ACTN2: variants seen among roughly 807,000 people sequenced by gnomAD.
ACTN2 encodes actinin alpha 2, also known as alpha-actinin-2.
A neutral mutation model predicts 113.8 loss-of-function variants in ACTN2; 39 were observed. The ratio of observed to expected loss-of-function variants is 0.34; its 90% CI spans 0.27 to 0.45. The LOEUF is 0.45. Among genes scored for constraint, ACTN2 ranks in the 20% least tolerant of loss-of-function variants. The pLI is 1.00. For missense variants in ACTN2, 992 were observed against 1,177.9 expected, an observed-to-expected ratio of 0.84 and a Z score of 2.31; for synonymous variants, 429 against 444.1, an observed-to-expected ratio of 0.97 and a Z score of 0.43.
At chr1:236,755,743 T>G (rs10925215) in intron 17 of ACTN2, among the ~76,000 whole-genome samples, 9,647 of 27,736 alleles carry the variant, frequency 0.35, 1,603 homozygotes, top group Non-Finnish European at 0.47. Flanking sequence ...TACTGCAGAG[T>G]GCCCGCTGCC....
chr1:236,739,161 C>A, intron 9 of ACTN2, 141 bp from the exon 10 acceptor site: 1 of 877,712 alleles, frequency 1.1e-6, no homozygotes, highest in East Asian at 2.5e-5. Context: ...TCGTTCATGC[C>A]TCTGTGCGTA....
chr1:236,721,015 G>GGGTTTTTT, intron 4 of ACTN2, among the ~76,000 whole-genome samples: 10 of 49,138 alleles, frequency 2.0e-4, no homozygotes, highest in South Asian at 8.7e-4. Context: ...TCTGGTTTTT[G>GGGTTTTTT]TTTTTTGTTT....
intron 6 of ACTN2, among the ~76,000 whole-genome samples, chr1:236,730,424 G>A (rs1475263268): frequency 1.5e-4 from 23 of 152,016 alleles, no homozygotes; most frequent in Admixed American, 1.4e-3. Context: ...AAAACATTGC[G>A]GTTTCTAAAA....
In ACTN2 at chr1:236,764,357, G is replaced by T. The variant is rs1158232422; in HGVS notation, c.*1738G>T. On this transcript the variant is annotated 3_prime_UTR_variant, in exon 21 of 21. Transcript: ENST00000366578. Reference sequence around the variant, plus strand: ...ACCCCTATAGAAAAGCCAGAAAGTTGTGCTTCCTTTGAGGCTATTAGGGGG... The same window carrying T: ...ACCCCTATAGAAAAGCCAGAAAGTTTTGCTTCCTTTGAGGCTATTAGGGGG... 1 of 152,162 alleles carries T rather than the reference G, an allele frequency of 6.6e-6. No homozygotes were observed. The highest frequency in any genetic ancestry group is 1.5e-5 in the Non-Finnish European group (1 of 68,032). 9.4% of individuals were successfully genotyped at this position (152,162 alleles called of 1,614,324 possible).
intron 1 of ACTN2, among the ~76,000 whole-genome samples, chr1:236,694,220 C>CTTTTT (rs540449597): frequency 7.4e-6 from 1 of 134,426 alleles, no homozygotes; most frequent in Non-Finnish European, 1.6e-5. Flanking sequence ...TTTTTCTTTT[C>CTTTTT]TTTTTTTTTT....
intron 1 of ACTN2, among the ~76,000 whole-genome samples, chr1:236,694,516 C>A (rs1174271452): frequency 6.6e-6 from 1 of 152,116 alleles, no homozygotes; most frequent in Non-Finnish European, 1.5e-5. Flanking sequence ...AGCCACCACG[C>A]CTGGCCCGCA....
chr1:236,729,247 C>A (rs922126121), intron 6 of ACTN2, among the ~76,000 whole-genome samples: 10 of 151,984 alleles, frequency 6.6e-5, no homozygotes, highest in African/African-American at 2.4e-4. Context: ...TGGCTTGAAC[C>A]CAGGAGGCGG....
Position 236,757,670 on chromosome 1 carries a change from A to G in ACTN2, c.2301+38A>G, listed in dbSNP as rs768901281. 1.1e-5 allele frequency: 17 copies of G among 1,612,458 alleles called. No individual in the cohort carries two copies. In the Admixed American group the frequency reaches 1.5e-4, roughly 14 times the overall value. ...ACTTATTTGAAGGGCAATACTGGGGACATTAAACAATGTATCTGAAATAAT... is the reference window on the plus strand; with the variant it reads ...ACTTATTTGAAGGGCAATACTGGGGGCATTAAACAATGTATCTGAAATAAT... On this transcript the variant is annotated intron_variant, in intron 18 of 20. Coordinates refer to ENST00000366578, the MANE Select transcript of ACTN2 (RefSeq NM_001103.4).
intron 1 of ACTN2, among the ~76,000 whole-genome samples, chr1:236,715,123 G>C (rs1036254496): frequency 6.6e-6 from 1 of 150,962 alleles, no homozygotes; most frequent in Non-Finnish European, 1.5e-5. Flanking sequence ...ATTTTTCTTT[G>C]AACCCTTTCG....
At chr1:236,689,876 C>A (rs187463130) in intron 1 of ACTN2, among the ~76,000 whole-genome samples, 97 of 152,316 alleles carry the variant, frequency 6.4e-4, no homozygotes, top group Admixed American at 1.3e-3. Context: ...TGGGAGGTGA[C>A]TTGTCAGAGC....
At chr1:236,711,861 G>A (rs1247846624) in intron 1 of ACTN2, among the ~76,000 whole-genome samples, 2 of 152,190 alleles carry the variant, frequency 1.3e-5, no homozygotes, top group Non-Finnish European at 2.9e-5. Flanking sequence ...CAAGAGAGGA[G>A]GTTGGAGGGT....
intron 8 of ACTN2, chr1:236,736,469 G>A: frequency 2.5e-6 from 2 of 796,930 alleles, no homozygotes; most frequent in Non-Finnish European, 4.0e-6. Flanking sequence ...GACAGTTATG[G>A]TTCAAGGCGC....
intron 6 of ACTN2, among the ~76,000 whole-genome samples, 185 bp downstream of exon 6, chr1:236,727,941 C>T (rs1229506029): frequency 2.6e-5 from 4 of 152,120 alleles, no homozygotes; most frequent in Non-Finnish European, 5.9e-5. Context: ...GCCAGGAAAA[C>T]ACTTACCTCT....
At chr1:236,716,766 G>C (rs1658226895) in intron 1 of ACTN2, among the ~76,000 whole-genome samples, 1 of 150,754 alleles carries the variant, frequency 6.6e-6, no homozygotes, top group Non-Finnish European at 1.5e-5. Context: ...ACTGGTTATG[G>C]GTCCCTTCTC....
rs1194608841 is a variant in ACTN2 at position 236,762,753 on chromosome 1, CA to C, written c.*135del. ...GGAAAAAAAAAAGCCTTTCGTAGTT[CA>C]GTAATTGCCAGCAATATAACACGGC... is the stretch of plus-strand genomic sequence containing the variant. On this transcript the variant is annotated 3_prime_UTR_variant, in exon 21 of 21. Transcript: ENST00000366578. 11 of 1,093,146 alleles carry C rather than the reference CA, an allele frequency of 1.0e-5. 1 individual carries two copies. The Admixed American group carries it at 1.6e-4, about 16-fold the overall frequency. 67.7% of individuals were successfully genotyped at this position (1,093,146 alleles called of 1,614,324 possible).
rs1659484789 is a variant in ACTN2 at position 236,754,179 on chromosome 1, C to A, written c.1974+98C>A. ...CGCACATGCTGTGGTTTCCAGCCAC[C>A]CACTCAGTCAGGTGGGAGCACCGTT... On this transcript the variant is annotated intron_variant, in intron 16 of 20. Coordinates refer to ENST00000366578, the MANE Select transcript of ACTN2 (RefSeq NM_001103.4). The surrounding 1 kb of genome is among the most constrained non-coding windows in gnomAD (Gnocchi z 4.9). The A allele has an allele frequency of 2.6e-6, 4 of 1,522,760 alleles. No individual in the cohort carries two copies. In the East Asian group the frequency reaches 9.0e-5, roughly 34 times the overall value. The allele number at this position is 1,522,760 out of a possible 1,614,324, so 94.3% of individuals were successfully genotyped here.
Position 236,749,230 on chromosome 1 carries a change from A to G in ACTN2, c.1622A>G (p.Asp541Gly), listed in dbSNP as rs1659324558. Residue 541 changes from aspartate (D) to glycine (G), a missense_variant, in exon 14 of 21, where the codon GAT becomes GGT. Coordinates refer to ENST00000366578, the MANE Select transcript of ACTN2 (RefSeq NM_001103.4). ...GAGGGCGCTATGGAGGATCTGCAAG[A>G]TATGTTCATTGTCCACAGCATTGAG... Reference protein sequence around the residue: ...WMEGAMEDLQDMFIVHSIEEI... With the variant: ...WMEGAMEDLQGMFIVHSIEEI... 1 of 1,614,204 alleles carries G rather than the reference A, an allele frequency of 6.2e-7. No homozygotes were observed. Among genetic ancestry groups the G allele is most frequent in the Non-Finnish European group, 8.5e-7 (1 of 1,180,030 alleles).
chr1:236,734,468 A>G (rs1486211088), intron 7 of ACTN2: 2 of 1,535,996 alleles, frequency 1.3e-6, no homozygotes, highest in South Asian at 1.2e-5. Context: ...TGAAAGAGCC[A>G]TAATGACTTA....
At chr1:236,740,557 G>A (rs535556582) in intron 10 of ACTN2, among the ~76,000 whole-genome samples, 2,412 of 151,830 alleles carry the variant, frequency 0.016, 21 homozygotes, top group Middle Eastern at 0.055. Flanking sequence ...TTTTGAGACA[G>A]AGTCTCACTT....
Sources: allele counts gnomAD v4.1 joint callset (sites outside exome capture counted in the v4.1 genomes callset), GRCh38; gene constraint gnomAD v4.1.1; non-coding constraint Gnocchi (gnomAD v3.1); transcripts MANE v1.5; gene names NCBI Gene and HGNC (gene_info 2026-07-23, HGNC 2026-07-21).